The following FRMD6 variants were observed in gnomAD, a reference collection of about 807,000 sequenced individuals.
The protein encoded by FRMD6 is FERM domain containing 6, also known as FERM domain-containing protein 6.
A neutral mutation model predicts 73.2 loss-of-function variants in FRMD6; 37 were observed. That is an observed-to-expected ratio of 0.51 (90% CI 0.39 to 0.66). FRMD6 has a LOEUF of 0.66. FRMD6 is among the 30% of genes least tolerant of loss of function. The pLI, the probability that FRMD6 is intolerant of heterozygous loss-of-function variation, is 0.00. For missense variants in FRMD6, 714 were observed against 780.5 expected (o/e 0.91, Z 1.02); for synonymous variants, 273 against 282.2 (o/e 0.97, Z 0.33).
chr14:51,485,715 CAT>C (rs1263105505), upstream of FRMD6, among the ~76,000 whole-genome samples: 1 of 152,194 alleles, frequency 6.6e-6, no homozygotes, highest in Non-Finnish European at 1.5e-5. Flanking sequence ...GTGGTGATCA[CAT>C]GTGTGGTTAC....
At chr14:51,500,106 A>G (rs141086925) in intron 1 of FRMD6, among the ~76,000 whole-genome samples, 44 of 152,332 alleles carry the variant, frequency 2.9e-4, no homozygotes, top group African/African-American at 9.6e-4. Flanking sequence ...CACATTCACA[A>G]TTAAGTCTTT....
intron 1 of FRMD6, among the ~76,000 whole-genome samples, chr14:51,664,321 A>G (rs1342607583): frequency 2.6e-5 from 4 of 152,140 alleles, no homozygotes; most frequent in African/African-American, 9.7e-5. Flanking sequence ...TGATTAAGCA[A>G]TTTTCATAGT....
At chr14:51,405,804 G>A in the FRMD6 span, among the ~76,000 whole-genome samples, 10,665 of 151,990 alleles carry the variant, frequency 0.07, 406 homozygotes, top group South Asian at 0.091. Flanking sequence ...TCTGTTGATC[G>A]TTTCTTTTGC....
chr14:51,428,186 T>C, the FRMD6 span, among the ~76,000 whole-genome samples: 17 of 152,172 alleles, frequency 1.1e-4, no homozygotes, highest in South Asian at 4.1e-4. Flanking sequence ...AGGTGCCAGG[T>C]GAACTTCCTA....
chr14:51,410,612 A>G, the FRMD6 span, among the ~76,000 whole-genome samples: 1 of 152,252 alleles, frequency 6.6e-6, no homozygotes, highest in South Asian at 2.1e-4. Flanking sequence ...CACATGTTCA[A>G]GGTCAGATAT....
chr14:51,643,143 T>C (rs1477737750), intron 2 of FRMD6, among the ~76,000 whole-genome samples: 1 of 152,242 alleles, frequency 6.6e-6, no homozygotes, highest in East Asian at 1.9e-4. Flanking sequence ...CTTGGGCATC[T>C]GTAAACCAGG....
intron 1 of FRMD6, among the ~76,000 whole-genome samples, chr14:51,558,985 T>G (rs1044189361): frequency 7.2e-5 from 11 of 152,168 alleles, no homozygotes; most frequent in African/African-American, 2.7e-4. Flanking sequence ...AAAAGTAAGC[T>G]CTAAGCAAGG....
At chr14:51,682,032 T>A (rs551223466) in intron 1 of FRMD6, among the ~76,000 whole-genome samples, 3 of 152,178 alleles carry the variant, frequency 2.0e-5, no homozygotes, top group Non-Finnish European at 4.4e-5. Context: ...ACCCACACAT[T>A]AGTATGCAAG....
rs548500391 is a variant in FRMD6 at position 51,520,341 on chromosome 14, A to G, written c.-210+30921A>G. On this transcript the variant is annotated intron_variant, in intron 1 of 14. Transcript: ENST00000356218. ...ACTTGCATTCTCACACACTGCTGAT[A>G]GGAATGTAAAATGGTACTACCAATC... 3.9e-5 allele frequency among the ~76,000 whole-genome samples: 6 copies of G among 152,366 alleles called. No homozygotes were observed. In the South Asian group the frequency reaches 1.2e-3, roughly 32 times the overall value.
Position 51,618,724 on chromosome 14 carries a change from A to G in FRMD6, c.-147+48314A>G, listed in dbSNP as rs567056921. ...CCCCTGGCTAAAATGAGGAATCTAT[A>G]GGAGAAACAGGTTTGGGTGGGAAGA... On this transcript the variant is annotated intron_variant, in intron 2 of 14. Transcript: ENST00000356218. Among the ~76,000 whole-genome samples, 3 of 152,264 alleles carry G rather than the reference A, an allele frequency of 2.0e-5. No individual in the cohort carries two copies. The South Asian group carries it at 6.2e-4, about 32-fold the overall frequency.
chr14:51,477,334 C>T, the FRMD6 span, among the ~76,000 whole-genome samples: 2 of 152,112 alleles, frequency 1.3e-5, no homozygotes, highest in African/African-American at 2.4e-5. Flanking sequence ...GTTCACCCAA[C>T]GTGATGTTTA....
At chr14:51,666,861 A>C (rs1212780384) in intron 1 of FRMD6, among the ~76,000 whole-genome samples, 1 of 152,220 alleles carries the variant, frequency 6.6e-6, no homozygotes, top group African/African-American at 2.4e-5. Context: ...TTAGCCTGGC[A>C]CAGTGGCTCA....
At chr14:51,446,455 C>A in the FRMD6 span, among the ~76,000 whole-genome samples, 1 of 151,792 alleles carries the variant, frequency 6.6e-6, no homozygotes, top group African/African-American at 2.4e-5. Context: ...GACACACACA[C>A]ACACACACAC....
chr14:51,504,670 C>T (rs1310670489), intron 1 of FRMD6, among the ~76,000 whole-genome samples: 1 of 152,210 alleles, frequency 6.6e-6, no homozygotes. Flanking sequence ...GATCCTGCTA[C>T]TGCTACCTGG....
the FRMD6 span, among the ~76,000 whole-genome samples, chr14:51,416,093 C>G: frequency 1.3e-5 from 2 of 151,974 alleles, no homozygotes; most frequent in Admixed American, 1.3e-4. Context: ...TTGATCTTTT[C>G]AAAAAACCAG....
intron 4 of FRMD6, among the ~76,000 whole-genome samples, chr14:51,702,208 C>A (rs1295565251): frequency 6.6e-6 from 1 of 152,124 alleles, no homozygotes; most frequent in Middle Eastern, 3.4e-3. Flanking sequence ...AGCTGGGTCT[C>A]AGCTAGAAAT....
chr14:51,569,833 T>G (rs1021017496), intron 1 of FRMD6, among the ~76,000 whole-genome samples: 2 of 151,018 alleles, frequency 1.3e-5, no homozygotes, highest in Admixed American at 1.3e-4. Flanking sequence ...CTTTTTTTTT[T>G]TTGAGACCGT....
intron 6 of FRMD6, among the ~76,000 whole-genome samples, chr14:51,705,475 C>T (rs1196827912): frequency 6.6e-6 from 1 of 152,068 alleles, no homozygotes; most frequent in Non-Finnish European, 1.5e-5. Flanking sequence ...GTCCTTCCTC[C>T]ATGTCTAGGC....
intron 2 of FRMD6, among the ~76,000 whole-genome samples, chr14:51,594,306 T>TTTTATTTA (rs148367741): frequency 0.34 from 49,140 of 142,722 alleles, 8,897 homozygotes; most frequent in African/African-American, 0.42. Context: ...TGTATTTTAT[T>TTTTATTTA]TTTATTTATT....
Sources: gnomAD v4.1 joint callset for allele counts (sites outside exome capture counted in the v4.1 genomes callset) on GRCh38, gnomAD v4.1.1 for gene constraint, MANE v1.5 for transcripts, NCBI Gene and HGNC (gene_info 2026-07-23, HGNC 2026-07-21) for gene names.